KHDRBS2: variants seen among roughly 807,000 people sequenced by gnomAD.
KHDRBS2 encodes the protein KH RNA binding domain containing, signal transduction associated 2, also known as KH domain-containing, RNA-binding, signal transduction-associated protein 2.
In KHDRBS2, 26 loss-of-function variants were observed where a neutral mutation model predicts 44.3. The ratio of observed to expected loss-of-function variants is 0.59; its 90% confidence interval spans 0.43 to 0.81. The LOEUF is 0.81. KHDRBS2 is among the 40% of genes least tolerant of loss of function. The pLI is 0.00. For missense variants in KHDRBS2, 476 were observed against 433.1 expected (o/e 1.10, Z -0.88); for synonymous variants, 194 against 151.1 (o/e 1.28, Z -2.08).
the KHDRBS2 span, among the ~76,000 whole-genome samples, chr6:61,598,914 A>G: frequency 7.1e-6 from 1 of 139,904 alleles, no homozygotes; most frequent in African/African-American, 2.7e-5. Flanking sequence ...AAGAATTTAA[A>G]TTGTGTTTTT....
At chr6:62,244,578 A>T (rs1835247451) in intron 1 of KHDRBS2, among the ~76,000 whole-genome samples, 1 of 152,204 alleles carries the variant, frequency 6.6e-6, no homozygotes, top group South Asian at 2.1e-4. Flanking sequence ...GGAGAAGCAT[A>T]GCTCAGATAT....
intron 2 of KHDRBS2, among the ~76,000 whole-genome samples, chr6:62,136,810 C>G (rs188843281): frequency 1.0e-3 from 154 of 152,168 alleles, no homozygotes; most frequent in African/African-American, 3.7e-3. Flanking sequence ...GCCATCCATA[C>G]TTTTCCCTGA....
At chr6:62,256,997 G>C (rs1837495607) in intron 1 of KHDRBS2, among the ~76,000 whole-genome samples, 1 of 152,066 alleles carries the variant, frequency 6.6e-6, no homozygotes, top group Admixed American at 6.6e-5. Flanking sequence ...TATGCCATGT[G>C]CTTTATTAAG....
intron 6 of KHDRBS2, among the ~76,000 whole-genome samples, chr6:61,733,570 T>G (rs7757289): frequency 0.055 from 8,363 of 150,694 alleles, 365 homozygotes; most frequent in African/African-American, 0.11. Context: ...CACTCCAGCC[T>G]GGGCAACAAG....
chr6:62,202,160 G>A (rs1232290985), intron 1 of KHDRBS2, among the ~76,000 whole-genome samples: 1 of 151,978 alleles, frequency 6.6e-6, no homozygotes, highest in African/African-American at 2.4e-5. Context: ...TATTTTAATT[G>A]AAAATAGCAG....
intron 2 of KHDRBS2, among the ~76,000 whole-genome samples, chr6:62,172,709 A>AAC (rs1820291181): frequency 6.6e-6 from 1 of 151,112 alleles, no homozygotes; most frequent in East Asian, 1.9e-4. Context: ...AAAAAAAAAA[A>AAC]AAAAAAAAAA....
At chr6:61,779,004 G>T (rs532063936) in intron 6 of KHDRBS2, among the ~76,000 whole-genome samples, 1 of 152,132 alleles carries the variant, frequency 6.6e-6, no homozygotes, top group African/African-American at 2.4e-5. Context: ...TTTGCTCATT[G>T]CCAAAATGTA....
intron 6 of KHDRBS2, among the ~76,000 whole-genome samples, chr6:61,811,929 T>C (rs1427642342): frequency 6.6e-6 from 1 of 152,068 alleles, no homozygotes; most frequent in Non-Finnish European, 1.5e-5. Flanking sequence ...AGTTGTCTAG[T>C]TTCTAGAAGA....
chr6:62,070,650 C>T (rs1794821613), intron 2 of KHDRBS2, among the ~76,000 whole-genome samples: 1 of 152,068 alleles, frequency 6.6e-6, no homozygotes, highest in Non-Finnish European at 1.5e-5. Flanking sequence ...TCATCCATGC[C>T]CCTACAAAGG....
chr6:61,669,268 T>A, the KHDRBS2 span, among the ~76,000 whole-genome samples: 349 of 151,108 alleles, frequency 2.3e-3, 2 homozygotes, highest in African/African-American at 8.2e-3. Flanking sequence ...TTAAAATGTC[T>A]TTTTCTTCAG....
At chr6:61,881,709 A>G (rs1800231161) in intron 6 of KHDRBS2, among the ~76,000 whole-genome samples, 1 of 151,940 alleles carries the variant, frequency 6.6e-6, no homozygotes, top group Non-Finnish European at 1.5e-5. Flanking sequence ...TCTAGTTGGG[A>G]ACACCTGTAA....
At chr6:61,915,674 G>A (rs1428661768) in intron 4 of KHDRBS2, among the ~76,000 whole-genome samples, 5 of 151,934 alleles carry the variant, frequency 3.3e-5, no homozygotes, top group African/African-American at 7.2e-5. Context: ...AAACAGAAAA[G>A]AATATTTTTA....
At position 62,252,791 on chromosome 6, in the gene KHDRBS2, T is replaced by G. The variant is rs192505889; in HGVS notation, c.91+33067A>C. On this transcript the variant is annotated intron_variant, in intron 1 of 8. Transcript: ENST00000281156. ...AAACTCCTATTCAAATGAAGATATT[T>G]TCACAGAATTTTCCAGTTTCTCTTC... 2.1e-3 allele frequency among the ~76,000 whole-genome samples: 314 copies of G among 152,188 alleles called. 1 individual carries two copies. Among genetic ancestry groups the G allele is most frequent in the African/African-American group, 6.9e-3 (286 of 41,574 alleles).
intron 3 of KHDRBS2, among the ~76,000 whole-genome samples, chr6:61,993,456 A>T (rs1020738933): frequency 2.0e-5 from 3 of 151,666 alleles, no homozygotes; most frequent in African/African-American, 7.3e-5. Context: ...TATAGAAGAG[A>T]TATAAAAATA....
At chr6:62,151,035 AC>A (rs1394280661) in intron 2 of KHDRBS2, among the ~76,000 whole-genome samples, 1 of 151,848 alleles carries the variant, frequency 6.6e-6, no homozygotes, top group East Asian at 1.9e-4. Flanking sequence ...CCTACCCCAT[AC>A]TTCTATCTGC....
intron 6 of KHDRBS2, among the ~76,000 whole-genome samples, chr6:61,826,319 C>G (rs578060909): frequency 1.5e-3 from 234 of 152,198 alleles, no homozygotes; most frequent in African/African-American, 5.5e-3. Context: ...GGAGCAGGCA[C>G]TGGCAAGAAA....
intron 6 of KHDRBS2, among the ~76,000 whole-genome samples, chr6:61,857,388 T>A (rs1796300090): frequency 6.6e-6 from 1 of 152,046 alleles, no homozygotes; most frequent in African/African-American, 2.4e-5. Context: ...TAACCATGGC[T>A]TAAAAATAGT....
chr6:61,912,125 T>C (rs1305026474), intron 4 of KHDRBS2, among the ~76,000 whole-genome samples: 2 of 152,048 alleles, frequency 1.3e-5, no homozygotes, highest in Non-Finnish European at 2.9e-5. Context: ...TGATAAATAC[T>C]TACAAAATAA....
At chr6:62,161,420 A>G (rs1291148919) in intron 2 of KHDRBS2, among the ~76,000 whole-genome samples, 1 of 151,598 alleles carries the variant, frequency 6.6e-6, no homozygotes, top group Non-Finnish European at 1.5e-5. Flanking sequence ...AATAATTTAC[A>G]TAGTATTAGA....
Sources: allele counts gnomAD v4.1 joint callset (sites outside exome capture counted in the v4.1 genomes callset), GRCh38; gene constraint gnomAD v4.1.1; transcripts MANE v1.5; gene names NCBI Gene and HGNC (gene_info 2026-07-23, HGNC 2026-07-21).